GMEB2: variants seen among roughly 807,000 people sequenced by gnomAD.
GMEB2 encodes glucocorticoid modulatory element-binding protein 2.
Under a neutral mutation model 45.7 loss-of-function variants are expected in GMEB2, and 7 were observed. That is an observed-to-expected ratio of 0.15 (90% CI 0.09 to 0.29). The LOEUF (loss-of-function observed/expected upper bound fraction) is 0.29, where lower values mean the gene tolerates loss of function less well. Among genes scored for constraint, GMEB2 ranks in the 10% least tolerant of loss-of-function variants. GMEB2 has a pLI of 1.00. For synonymous variants in GMEB2, 322 were observed against 323.6 expected (o/e 1.00, Z 0.05); for missense variants, 582 against 739.2 (o/e 0.79, Z 2.47).
chr20:63,603,228 G>A (rs1352555649), intron 3 of GMEB2, 136 bp from the exon 4 acceptor site: 1 of 894,754 alleles, frequency 1.1e-6, no homozygotes, highest in African/African-American at 1.7e-5. Context: ...GCCTGAGATA[G>A]AGCCAAGGTG....
chr20:63,600,137 G>C (rs1172545581), intron 4 of GMEB2, among the ~76,000 whole-genome samples: 1 of 151,968 alleles, frequency 6.6e-6, no homozygotes, highest in African/African-American at 2.4e-5. Context: ...CCGCCTCCCG[G>C]GTTCAAGAGA....
At chr20:63,620,377 T>C (rs2089636730) in intron 1 of GMEB2, among the ~76,000 whole-genome samples, 1 of 152,054 alleles carries the variant, frequency 6.6e-6, no homozygotes. Flanking sequence ...CCTGTTGCCC[T>C]CTCACTCTCC....
At chr20:63,622,427 G>A (rs1459941401) in intron 1 of GMEB2, among the ~76,000 whole-genome samples, 1 of 152,304 alleles carries the variant, frequency 6.6e-6, no homozygotes, top group South Asian at 2.1e-4. Flanking sequence ...GTGCCTTCAG[G>A]TCTCAAGGTT....
In GMEB2 at chr20:63,590,424, CG is replaced by C; in HGVS notation, c.1257del (p.Ala420ProfsTer38). The C allele has an allele frequency of 3.2e-6, 5 of 1,555,142 alleles. No individual in the cohort carries two copies. The highest frequency in any genetic ancestry group is 4.4e-6 in the Non-Finnish European group (5 of 1,145,098). On this transcript the variant is annotated frameshift_variant, in exon 10 of 10. Coordinates refer to ENST00000370077, the MANE Select transcript of GMEB2 (RefSeq NM_012384.5). LOFTEE classifies it high-confidence loss of function. ...AGCAGCGGGGAGGCCGGGGAGCTGG[CG>C]GGGGGCGCCTGAAGGGAACCCTTGC... ...VLGKGSLQAPPASSPASPLLG... is the reference protein window; with the variant it reads ...VLGKGSLQAPXASSPASPLLG...
In GMEB2 at chr20:63,609,167, C is replaced by T. The variant is rs1367346758; in HGVS notation, c.132-4327G>A. Reference sequence around the variant, plus strand: ...ACACATCCATTTCTAGAAACATGTCCCTCTGACTCACCTCCATTTCTAGAA... The same window carrying T: ...ACACATCCATTTCTAGAAACATGTCTCTCTGACTCACCTCCATTTCTAGAA... On this transcript the variant is annotated intron_variant, in intron 2 of 9. Coordinates refer to ENST00000370077, the MANE Select transcript of GMEB2 (RefSeq NM_012384.5). Among the ~76,000 whole-genome samples, 2 of 25,662 alleles carry T rather than the reference C, an allele frequency of 7.8e-5. 1 individual carries two copies. Among genetic ancestry groups the T allele is most frequent in the Non-Finnish European group, 3.5e-4 (2 of 5,660 alleles). 16.8% of individuals were successfully genotyped at this position (25,662 alleles called of 152,430 possible). A position where few individuals can be genotyped will look rare whatever the true frequency, so the allele number is the denominator to read the frequency against.
intron 2 of GMEB2, among the ~76,000 whole-genome samples, chr20:63,617,267 C>T (rs2089615265): frequency 1.3e-5 from 2 of 152,216 alleles, no homozygotes; most frequent in South Asian, 4.2e-4. Flanking sequence ...TGAGCCACCG[C>T]GCCTGGCCGA....
rs2089673476 is a variant in GMEB2, at chr20:63,626,445, ATC to A, written c.-58+509_-58+510del. Among the ~76,000 whole-genome samples the A allele has an allele frequency of 1.7e-4, 2 of 11,486 alleles. 1 individual carries two copies. Among genetic ancestry groups the A allele is most frequent in the Non-Finnish European group, 4.9e-4 (2 of 4,080 alleles). The allele number at this position is 11,486 out of a possible 152,430, so 7.5% of individuals were successfully genotyped here. On this transcript the variant is annotated intron_variant, in intron 1 of 9. Coordinates refer to ENST00000370077, the MANE Select transcript of GMEB2 (RefSeq NM_012384.5). ...GGTGCCTGCGGGGTGGCCCCTGGGG[ATC>A]GCGTCCCTGCGGGTCGGGTGCCTGC...
chr20:63,620,702 G>T (rs2089638347), intron 1 of GMEB2, among the ~76,000 whole-genome samples: 1 of 152,150 alleles, frequency 6.6e-6, no homozygotes, highest in South Asian at 2.1e-4. Context: ...ACAGACACAG[G>T]AACGGGGTGC....
chr20:63,605,597 G>A (rs992215831), intron 2 of GMEB2, among the ~76,000 whole-genome samples: 2 of 151,222 alleles, frequency 1.3e-5, no homozygotes, highest in Admixed American at 6.6e-5. Context: ...AGCTGGTCTC[G>A]AGATCACACA....
intron 2 of GMEB2, among the ~76,000 whole-genome samples, chr20:63,615,334 CTTTT>C (rs1203542259): frequency 6.6e-6 from 1 of 151,794 alleles, no homozygotes; most frequent in East Asian, 1.9e-4. Context: ...TTCCTTTTTT[CTTTT>C]TTTTGAGACA....
chr20:63,598,458 C>T (rs2083216610), intron 4 of GMEB2, among the ~76,000 whole-genome samples: 1 of 152,088 alleles, frequency 6.6e-6, no homozygotes, highest in African/African-American at 2.4e-5. Context: ...GGTAAAATAT[C>T]CTGTTCAATC....
chr20:63,626,715 C>CCG (rs1489531865), intron 1 of GMEB2, among the ~76,000 whole-genome samples: 1 of 150,324 alleles, frequency 6.7e-6, no homozygotes, highest in Non-Finnish European at 1.5e-5. Context: ...CCGCGCCCGC[C>CCG]CGCGGCGCCA....
At chr20:63,624,623 G>A (rs768979534) in intron 1 of GMEB2, among the ~76,000 whole-genome samples, 5 of 152,134 alleles carry the variant, frequency 3.3e-5, no homozygotes, top group African/African-American at 1.2e-4. Context: ...AGGGGTCCTC[G>A]TCACAGCTTC....
chr20:63,625,233 T>C (rs948007437), intron 1 of GMEB2, among the ~76,000 whole-genome samples: 5 of 151,798 alleles, frequency 3.3e-5, no homozygotes, highest in African/African-American at 7.3e-5. Context: ...TGGAGTGCAA[T>C]GGCAAAATCT....
In GMEB2 at chr20:63,619,456, TGGA is replaced by T; in HGVS notation, c.-57-5_-57-3del. 1 of 1,576,178 alleles carries T rather than the reference TGGA, an allele frequency of 6.3e-7. No individual in the cohort carries two copies. The highest frequency in any genetic ancestry group is 8.6e-7 in the Non-Finnish European group (1 of 1,163,254). On this transcript the variant is annotated splice_polypyrimidine_tract_variant and splice_region_variant and intron_variant, in intron 1 of 9. Coordinates refer to ENST00000370077, the MANE Select transcript of GMEB2 (RefSeq NM_012384.5). This position sits in a 1 kb window ranked among gnomAD's most constrained non-coding sequence, Gnocchi z 4.6. ...GTCAGTCCTCCAGGGTCCCAAGTCC[TGGA>T]GGAAGCAAGGCAGGGCACAGGGATG... is the stretch of plus-strand genomic sequence containing the variant.
At chr20:63,605,744 C>G (rs2089513915) in intron 2 of GMEB2, among the ~76,000 whole-genome samples, 1 of 151,974 alleles carries the variant, frequency 6.6e-6, no homozygotes, top group Non-Finnish European at 1.5e-5. Flanking sequence ...CACTTGAGGT[C>G]AGGAGTTCGA....
At chr20:63,609,590 C>A (rs868194870) in intron 2 of GMEB2, among the ~76,000 whole-genome samples, 2 of 16,866 alleles carry the variant, frequency 1.2e-4, no homozygotes, top group Non-Finnish European at 4.9e-4. Flanking sequence ...TCTGACCCAC[C>A]TCCATTTCTA....
chr20:63,595,529 G>C, intron 6 of GMEB2, 81 bp downstream of exon 6: 1 of 1,329,314 alleles, frequency 7.5e-7, no homozygotes, highest in Non-Finnish European at 1.0e-6. Context: ...TGGGGCCAAG[G>C]AGGCCACCCA....
intron 1 of GMEB2, among the ~76,000 whole-genome samples, chr20:63,622,123 T>G (rs2089645439): frequency 1.3e-5 from 2 of 151,598 alleles, no homozygotes; most frequent in Non-Finnish European, 2.9e-5. Context: ...ATCAAGACCT[T>G]GTCACAAAAA....
Sources: allele counts gnomAD v4.1 joint callset (sites outside exome capture counted in the v4.1 genomes callset), GRCh38; gene constraint gnomAD v4.1.1; non-coding constraint Gnocchi (gnomAD v3.1); transcripts MANE v1.5; gene names NCBI Gene and HGNC (gene_info 2026-07-23, HGNC 2026-07-21).